CTNNA2: variants seen among roughly 807,000 people sequenced by gnomAD.
CTNNA2 encodes the protein catenin alpha-2.
In CTNNA2, 42 loss-of-function variants were observed where a neutral mutation model predicts 101.0. That is an observed-to-expected ratio of 0.42 (90% confidence interval 0.32 to 0.54). CTNNA2 has a LOEUF of 0.54. CTNNA2 is among the 20% of genes least tolerant of loss of function. The pLI, the probability that CTNNA2 is intolerant of heterozygous loss-of-function variation, is 0.14. For synonymous variants in CTNNA2, 450 were observed against 456.4 expected (o/e 0.99, Z 0.18); for missense variants, 871 against 1,223.1 (o/e 0.71, Z 4.29).
Position 80,619,193 on chromosome 2 carries a change from G to T in CTNNA2, c.2539G>T (p.Ala847Ser), listed in dbSNP as rs1473071610. 3 of 1,586,500 alleles carry T rather than the reference G, an allele frequency of 1.9e-6. No individual in the cohort carries two copies. Among genetic ancestry groups the T allele is most frequent in the South Asian group, 1.2e-5 (1 of 86,292 alleles). The change falls in exon 18 of 19, where the codon GCT (alanine) becomes TCT (serine). Residue 847 changes from alanine (A) to serine (S), a missense_variant. Ala to Ser is a moderately conservative substitution (Grantham distance 99). Transcript: ENST00000402739. Reference protein sequence around the residue: ...STHLPTCAEGAPIGSGSSDSS... With the variant: ...STHLPTCAEGSPIGSGSSDSS... ...CCACCTCCCAACCTGTGCTGAGGGA[G>T]CTCCGATCGGGAGTGGAAGCAGTGA...
rs1558637596 is a variant in CTNNA2, at chr2:79,345,110, A to ATTT, written c.-317-28721_-317-28720insTTT. On this transcript the variant is annotated intron_variant, in intron 3 of 21. Transcript: ENST00000466387. Reference sequence around the variant, plus strand: ...TTATTATGGAATGTGTTTTTTTTTAAAAAAAAAAGCAAAATGTAACAAATC... The same window carrying ATTT: ...TTATTATGGAATGTGTTTTTTTTTAATTTAAAAAAAAGCAAAATGTAACAAATC... Among the ~76,000 whole-genome samples, 197 of 100,000 alleles carry ATTT rather than the reference A, an allele frequency of 2.0e-3. 1 individual carries two copies. The highest frequency in any genetic ancestry group is 6.4e-3 in the African/African-American group (185 of 28,770). 65.6% of individuals were successfully genotyped at this position (100,000 alleles called of 152,430 possible).
chr2:79,752,020 G>C (rs1171947994), intron 3 of CTNNA2, among the ~76,000 whole-genome samples: 2 of 152,116 alleles, frequency 1.3e-5, no homozygotes, highest in African/African-American at 4.8e-5. Context: ...TTTGGCCCTA[G>C]GCTAATTAAT....
intron 2 of CTNNA2, among the ~76,000 whole-genome samples, chr2:79,295,473 C>T (rs1353945356): frequency 6.6e-6 from 1 of 152,014 alleles, no homozygotes; most frequent in Non-Finnish European, 1.5e-5. Context: ...GACTTTTCTC[C>T]ACCTGGCTGG....
Position 80,555,800 on chromosome 2 carries a change from G to A in CTNNA2, c.1648G>A (p.Val550Ile). Residue 550 changes from valine (V) to isoleucine (I), a missense_variant, in exon 12 of 19, where the codon GTC (valine) becomes ATC (isoleucine). This residue lies in a region of CTNNA2 where 647 missense variants were observed against 831.5 expected (regional missense o/e 0.78). Transcript: ENST00000402739. ...AGAIRGRAAR[V>I]IHIINAEMEN... The stretch of plus-strand genomic sequence containing the variant: ...GGCCATCAGGGGCCGGGCAGCTCGA[G>A]TCATACACATCATCAATGCTGAGAT... 6.2e-7 allele frequency: 1 copy of A among 1,601,504 alleles called. No individual in the cohort carries two copies. The highest frequency in any genetic ancestry group is 8.5e-7 in the Non-Finnish European group (1 of 1,174,130).
chr2:79,370,603 T>C (rs1677847885), intron 3 of CTNNA2, among the ~76,000 whole-genome samples: 1 of 152,176 alleles, frequency 6.6e-6, no homozygotes, highest in South Asian at 2.1e-4. Context: ...ACTCCCTGTA[T>C]TATTTTTTAA....
chr2:80,461,534 T>C (rs1684425122), intron 9 of CTNNA2, among the ~76,000 whole-genome samples: 1 of 151,836 alleles, frequency 6.6e-6, no homozygotes, highest in Non-Finnish European at 1.5e-5. Flanking sequence ...GTCTGCCTTA[T>C]CATGCCTTAA....
intron 2 of CTNNA2, among the ~76,000 whole-genome samples, chr2:79,275,571 G>GA (rs1166285663): frequency 6.6e-6 from 1 of 151,426 alleles, no homozygotes; most frequent in Non-Finnish European, 1.5e-5. Context: ...TTTTTTTCAG[G>GA]AAAAAAATAG....
intron 7 of CTNNA2, among the ~76,000 whole-genome samples, chr2:80,091,109 T>C (rs1186312700): frequency 6.6e-6 from 1 of 152,112 alleles, no homozygotes; most frequent in Non-Finnish European, 1.5e-5. Context: ...AGTTTTAAAG[T>C]TTGATTAAAC....
At chr2:79,716,646 C>G (rs1056759750) in intron 2 of CTNNA2, among the ~76,000 whole-genome samples, 3 of 152,084 alleles carry the variant, frequency 2.0e-5, no homozygotes, top group Non-Finnish European at 2.9e-5. Context: ...AACGGCAGTT[C>G]ACAGTGAACT....
At chr2:80,375,452 A>T (rs1232219951) in intron 7 of CTNNA2, among the ~76,000 whole-genome samples, 1 of 152,088 alleles carries the variant, frequency 6.6e-6, no homozygotes, top group Non-Finnish European at 1.5e-5. Flanking sequence ...GCTTCTGTAC[A>T]GGTAATGAAA....
rs148030546 is a variant in CTNNA2, at chr2:79,691,595, G to A, written c.102+39937G>A. 6.2e-3 allele frequency among the ~76,000 whole-genome samples: 946 copies of A among 152,016 alleles called. 32 individuals carry two copies. The East Asian group carries it at 0.092, about 15-fold the overall frequency. On this transcript the variant is annotated intron_variant, in intron 2 of 18. Coordinates refer to ENST00000402739, the MANE Select transcript of CTNNA2 (RefSeq NM_001282597.3). Reference sequence around the variant, plus strand: ...AATCCTAAGCAAAAAGCACAAAGCTGAAAGCATCATGCTACCTGACTTCAA... The same window carrying A: ...AATCCTAAGCAAAAAGCACAAAGCTAAAAGCATCATGCTACCTGACTTCAA...
chr2:79,714,096 C>G (rs1309064075), intron 2 of CTNNA2, among the ~76,000 whole-genome samples: 1 of 152,130 alleles, frequency 6.6e-6, no homozygotes. Flanking sequence ...CTGCTCTACT[C>G]TAGCATACAG....
At chr2:80,409,176 G>T (rs577388717) in intron 8 of CTNNA2, among the ~76,000 whole-genome samples, 55 of 152,126 alleles carry the variant, frequency 3.6e-4, no homozygotes, top group African/African-American at 1.3e-3. Context: ...CTTCACCCTT[G>T]CCACCTAAAA....
At chr2:79,430,841 G>A (rs1418137738) in intron 4 of CTNNA2, among the ~76,000 whole-genome samples, 1 of 151,618 alleles carries the variant, frequency 6.6e-6, no homozygotes, top group Non-Finnish European at 1.5e-5. Context: ...GCAGAAAAAG[G>A]TATAAAGAAA....
intron 7 of CTNNA2, among the ~76,000 whole-genome samples, chr2:80,211,161 T>C (rs1558906609): frequency 1.3e-5 from 2 of 152,218 alleles, no homozygotes; most frequent in African/African-American, 4.8e-5. Flanking sequence ...TCCCATTGTG[T>C]AGGTTGCCTG....
intron 2 of CTNNA2, among the ~76,000 whole-genome samples, chr2:79,282,291 T>C (rs1446472897): frequency 2.0e-5 from 3 of 152,168 alleles, no homozygotes; most frequent in Non-Finnish European, 2.9e-5. Context: ...AGTTTTAGGG[T>C]ACCTGTGCAC....
intron 3 of CTNNA2, chr2:79,776,893 A>T (rs1465045010): frequency 4.6e-5 from 7 of 152,286 alleles, no homozygotes; most frequent in African/African-American, 1.7e-4. Context: ...CTTTCTGAGG[A>T]GCTGAGAGCA....
chr2:80,097,384 C>T lies in CTNNA2; in HGVS notation c.1056+187587C>T, dbSNP rs576873237. On this transcript the variant is annotated intron_variant, in intron 7 of 18. Coordinates refer to ENST00000402739, the MANE Select transcript of CTNNA2 (RefSeq NM_001282597.3). ...TTCTGCCGAGAGATCAGCTGTTAGT[C>T]TGATGGGCTTCCCTTTGTGGGTAAC... is the stretch of plus-strand genomic sequence containing the variant. Among the ~76,000 whole-genome samples, 13 of 152,328 alleles carry T rather than the reference C, an allele frequency of 8.5e-5. 1 individual carries two copies. The South Asian group carries it at 1.4e-3, about 17-fold the overall frequency.
chr2:79,575,291 C>T (rs1675720887), intron 1 of CTNNA2, among the ~76,000 whole-genome samples: 1 of 152,134 alleles, frequency 6.6e-6, no homozygotes, highest in Admixed American at 6.6e-5. Flanking sequence ...ATAACATTCT[C>T]ATAGCAGAAA....
Sources: allele counts gnomAD v4.1 joint callset (sites outside exome capture counted in the v4.1 genomes callset), GRCh38; gene constraint gnomAD v4.1.1; regional missense constraint gnomAD v4.1.1; transcripts MANE v1.5; gene names NCBI Gene and HGNC (gene_info 2026-07-23, HGNC 2026-07-21).